ATF7IP: variants seen among roughly 807,000 people sequenced by gnomAD.
ATF7IP encodes activating transcription factor 7-interacting protein 1.
A neutral mutation model predicts 106.4 loss-of-function variants in ATF7IP; 23 were observed. The observed-to-expected ratio is 0.22, with a 90% CI of 0.16 to 0.31. The LOEUF (loss-of-function observed/expected upper bound fraction) is 0.31. Ranked by LOEUF, ATF7IP falls within the 10% of genes least tolerant of loss-of-function variation. The probability of loss-of-function intolerance (pLI) is 1.00; values close to 1 mark genes in which losing one functional copy is unlikely to be tolerated. For synonymous variants in ATF7IP, 542 were observed against 539.0 expected, an observed-to-expected ratio of 1.01 and a Z score of -0.08; for missense variants, 1,334 against 1,524.3, an observed-to-expected ratio of 0.88 and a Z score of 2.08.
At chr12:14,491,902 A>C (rs1326131161) in intron 13 of ATF7IP, among the ~76,000 whole-genome samples, 1 of 152,188 alleles carries the variant, frequency 6.6e-6, no homozygotes, top group African/African-American at 2.4e-5. Context: ...ACATGGGAGA[A>C]TTGAATGGGG....
In ATF7IP at chr12:14,457,655, C is replaced by G. The variant is rs1336498561; in HGVS notation, c.2158+360C>G. On this transcript the variant is annotated intron_variant, in intron 8 of 14. Coordinates refer to ENST00000261168, the MANE Select transcript of ATF7IP (RefSeq NM_018179.5). Reference sequence around the variant, plus strand: ...TAGTAGTTCACAAACTTTCTGGTCTCTAGATCCCTTTACAATCTTAAAAAA... The same window carrying G: ...TAGTAGTTCACAAACTTTCTGGTCTGTAGATCCCTTTACAATCTTAAAAAA... 6.6e-5 allele frequency among the ~76,000 whole-genome samples: 10 copies of G among 152,094 alleles called. No homozygotes were observed. The East Asian group carries it at 1.7e-3, about 26-fold the overall frequency.
At chr12:14,441,533 A>G (rs950808187) in intron 5 of ATF7IP, among the ~76,000 whole-genome samples, 1 of 121,678 alleles carries the variant, frequency 8.2e-6, no homozygotes, top group African/African-American at 3.2e-5. Context: ...GCCAATTCCC[A>G]GGCTGGAGTG....
chr12:14,498,212 A>C lies in ATF7IP; in HGVS notation c.*139A>C. 1 of 793,362 alleles carries C rather than the reference A, an allele frequency of 1.3e-6. No homozygotes were observed. The allele number at this position is 793,362 out of a possible 1,614,324, so 49.1% of individuals were successfully genotyped here. On this transcript the variant is annotated 3_prime_UTR_variant, in exon 15 of 15. Transcript: ENST00000261168. ...ATGTGTGTATACACTACATTTGTTTATAACCAGAAGCAAAATAAACTCAGC... is the reference window on the plus strand; with the variant it reads ...ATGTGTGTATACACTACATTTGTTTCTAACCAGAAGCAAAATAAACTCAGC...
rs564008795 is a variant in ATF7IP at position 14,490,489 on chromosome 12, C to T, written c.3281-5742C>T. ...TAGCCATTTCTCTTTCTAAGCAAAG[C>T]ACACAGCCTGATGCACTGCTCCAAG... is the stretch of plus-strand genomic sequence containing the variant. On this transcript the variant is annotated intron_variant, in intron 13 of 14. Transcript: ENST00000261168. 2.0e-5 allele frequency among the ~76,000 whole-genome samples: 3 copies of T among 152,332 alleles called. No individual in the cohort carries two copies. The South Asian group carries it at 6.2e-4, about 32-fold the overall frequency.
chr12:14,430,549 A>AT (rs1398654344), intron 2 of ATF7IP, among the ~76,000 whole-genome samples: 1 of 152,068 alleles, frequency 6.6e-6, no homozygotes, highest in Admixed American at 6.5e-5. Context: ...GTCATGCCTT[A>AT]TTTTTCTGAT....
chr12:14,399,824 A>G (rs1413349916), intron 1 of ATF7IP, among the ~76,000 whole-genome samples: 2 of 152,062 alleles, frequency 1.3e-5, no homozygotes, highest in African/African-American at 4.8e-5. Context: ...TTTTGTTTGA[A>G]TTCTTGAATG....
chr12:14,394,288 G>A (rs1759485832), intron 1 of ATF7IP, among the ~76,000 whole-genome samples: 1 of 152,134 alleles, frequency 6.6e-6, no homozygotes, highest in South Asian at 2.1e-4. Flanking sequence ...AGCAACCATT[G>A]AATTTACGTG....
At chr12:14,423,121 GC>G (rs1805491054) in intron 1 of ATF7IP, among the ~76,000 whole-genome samples, 1 of 152,036 alleles carries the variant, frequency 6.6e-6, no homozygotes, top group Non-Finnish European at 1.5e-5. Flanking sequence ...GTTTTGACTT[GC>G]GTTTCCCTGA....
At chr12:14,459,613 T>G (rs1003214704) in intron 8 of ATF7IP, among the ~76,000 whole-genome samples, 1 of 152,220 alleles carries the variant, frequency 6.6e-6, no homozygotes, top group Admixed American at 6.5e-5. Flanking sequence ...CTCATTGTTA[T>G]GAAAATAGTT....
At chr12:14,427,393 C>T (rs565743154) in intron 2 of ATF7IP, among the ~76,000 whole-genome samples, 7 of 149,284 alleles carry the variant, frequency 4.7e-5, no homozygotes, top group East Asian at 2.0e-4. Context: ...GATGGAGTCT[C>T]GCTCTGTTGC....
At chr12:14,446,921 G>GT (rs544088884) in intron 5 of ATF7IP, 67 bp from the exon 6 acceptor site, 93,094 of 769,856 alleles carry the variant, frequency 0.12, 55 homozygotes, top group Non-Finnish European at 0.13. Context: ...TATATTCATG[G>GT]TTTTTTTTTT....
At chr12:14,438,371 A>C (rs1942517061) in intron 5 of ATF7IP, 104 bp downstream of exon 5, 2 of 1,118,492 alleles carry the variant, frequency 1.8e-6, no homozygotes, top group Non-Finnish European at 2.5e-6. Flanking sequence ...TTTAAATTCT[A>C]AATGTAAGAA....
chr12:14,368,585 T>G (rs138592621), intron 1 of ATF7IP, among the ~76,000 whole-genome samples: 72 of 152,296 alleles, frequency 4.7e-4, no homozygotes, highest in African/African-American at 1.7e-3. Flanking sequence ...AAAGGACTTT[T>G]AAAGTAATTT....
intron 1 of ATF7IP, chr12:14,367,426 A>C (rs1310834002): frequency 6.6e-6 from 1 of 152,142 alleles, no homozygotes; most frequent in Non-Finnish European, 1.5e-5. Context: ...GAGGTCTTCT[A>C]CACAGAAGTA....
intron 8 of ATF7IP, among the ~76,000 whole-genome samples, chr12:14,459,739 A>G (rs947937139): frequency 6.6e-6 from 1 of 152,254 alleles, no homozygotes; most frequent in Admixed American, 6.5e-5. Flanking sequence ...CTATAAATCA[A>G]TGAGAAAGAA....
At chr12:14,391,434 C>T (rs1209168659) in intron 1 of ATF7IP, among the ~76,000 whole-genome samples, 1 of 152,164 alleles carries the variant, frequency 6.6e-6, no homozygotes, top group African/African-American at 2.4e-5. Context: ...CCATGGCATA[C>T]ATAGTGGAAA....
chr12:14,385,914 A>G (rs1044745783), intron 1 of ATF7IP, among the ~76,000 whole-genome samples: 1 of 151,896 alleles, frequency 6.6e-6, no homozygotes, highest in African/African-American at 2.4e-5. Flanking sequence ...TTTTGGCATT[A>G]TGGGTTGCAG....
intron 10 of ATF7IP, among the ~76,000 whole-genome samples, chr12:14,474,731 T>G (rs1944195418): frequency 6.6e-6 from 1 of 152,210 alleles, no homozygotes; most frequent in African/African-American, 2.4e-5. Context: ...CTTTCGAGTC[T>G]TTATCTGCTG....
At chr12:14,433,319 A>G (rs12832139) in intron 2 of ATF7IP, among the ~76,000 whole-genome samples, 3,008 of 152,314 alleles carry the variant, frequency 0.02, 32 homozygotes, top group Middle Eastern at 0.031. Flanking sequence ...ATCCTGGCCA[A>G]CATGGTGAAA....
Sources: gnomAD v4.1 joint callset for allele counts (sites outside exome capture counted in the v4.1 genomes callset) on GRCh38, gnomAD v4.1.1 for gene constraint, MANE v1.5 for transcripts, NCBI Gene and HGNC (gene_info 2026-07-23, HGNC 2026-07-21) for gene names.